The following SASH1 variants were observed in gnomAD, a reference collection of about 807,000 sequenced individuals.
SASH1 encodes the protein SAM and SH3 domain containing 1.
In SASH1, 44 loss-of-function variants were observed where a neutral mutation model predicts 125.2. The observed-to-expected ratio is 0.35, with a 90% CI of 0.28 to 0.45. The LOEUF (loss-of-function observed/expected upper bound fraction) is 0.45, where lower values mean the gene tolerates loss of function less well. SASH1 is among the 20% of genes least tolerant of loss of function. The probability of loss-of-function intolerance (pLI) is 1.00; values close to 1 mark genes in which losing one functional copy is unlikely to be tolerated. For missense variants in SASH1, 1,426 were observed against 1,614.5 expected (o/e 0.88, Z 2.00); for synonymous variants, 639 against 649.1 (o/e 0.98, Z 0.24).
At chr6:148,310,256 A>G (rs915384969) in intron 1 of SASH1, among the ~76,000 whole-genome samples, 5 of 152,184 alleles carry the variant, frequency 3.3e-5, no homozygotes, top group African/African-American at 1.2e-4. Context: ...CAGGAGACGG[A>G]GGTTGCAGTA....
intron 2 of SASH1, among the ~76,000 whole-genome samples, chr6:148,402,334 A>T (rs1784202876): frequency 6.6e-6 from 1 of 152,120 alleles, no homozygotes; most frequent in Non-Finnish European, 1.5e-5. Context: ...TTTTTGTTTA[A>T]GAGTCTTGCT....
chr6:148,409,770 C>G (rs979500836), intron 2 of SASH1, among the ~76,000 whole-genome samples: 1 of 151,990 alleles, frequency 6.6e-6, no homozygotes, highest in Admixed American at 6.6e-5. Flanking sequence ...CCCATCTGTA[C>G]TAAAAATACA....
At chr6:148,199,363 A>G in the SASH1 span, among the ~76,000 whole-genome samples, 1 of 147,214 alleles carries the variant, frequency 6.8e-6, no homozygotes, top group South Asian at 2.2e-4. Flanking sequence ...ACAGTGCAAG[A>G]CTCCGTCTCA....
intron 7 of SASH1, among the ~76,000 whole-genome samples, chr6:148,485,966 C>A (rs1583236366): frequency 1.1e-5 from 1 of 88,596 alleles, no homozygotes; most frequent in Non-Finnish European, 3.1e-5. Context: ...TTGTTTTGAA[C>A]CCCAGAGCTC....
chr6:148,453,769 C>T (rs769831530), intron 4 of SASH1, among the ~76,000 whole-genome samples: 4 of 152,178 alleles, frequency 2.6e-5, no homozygotes, highest in African/African-American at 4.8e-5. Flanking sequence ...TAATGCAATG[C>T]GAAAACCATC....
At chr6:148,527,998 GGT>G (rs796212413) in intron 12 of SASH1, among the ~76,000 whole-genome samples, 12,934 of 133,738 alleles carry the variant, frequency 0.097, 817 homozygotes, top group Middle Eastern at 0.21. Context: ...TGGGGGGGGG[GGT>G]GGCAGTAGAC....
upstream of SASH1, among the ~76,000 whole-genome samples, chr6:148,270,304 C>T (rs1056190757): frequency 6.6e-6 from 1 of 152,226 alleles, no homozygotes; most frequent in Non-Finnish European, 1.5e-5. Flanking sequence ...GTATCCCTCA[C>T]CTTACCTGCC....
intron 1 of SASH1, among the ~76,000 whole-genome samples, chr6:148,292,963 A>G (rs1779672373): frequency 6.6e-6 from 1 of 152,036 alleles, no homozygotes; most frequent in South Asian, 2.1e-4. Context: ...GAGGCAGGAG[A>G]ATCACTTGAA....
intron 1 of SASH1, among the ~76,000 whole-genome samples, chr6:148,283,175 G>A (rs1016897097): frequency 2.0e-5 from 3 of 152,168 alleles, no homozygotes; most frequent in Admixed American, 6.5e-5. Context: ...CTGTCCTCCC[G>A]TCTAGCTGAG....
chr6:148,259,331 C>G, the SASH1 span, among the ~76,000 whole-genome samples: 1 of 152,196 alleles, frequency 6.6e-6, no homozygotes, highest in Non-Finnish European at 1.5e-5. Flanking sequence ...ATGGTGTAAA[C>G]AATTCCCAAA....
chr6:148,531,160 A>T (rs1191561979), intron 12 of SASH1, among the ~76,000 whole-genome samples: 2 of 152,180 alleles, frequency 1.3e-5, no homozygotes, highest in Non-Finnish European at 2.9e-5. Flanking sequence ...TATTCTAGTA[A>T]TCATGGATTG....
Position 148,384,096 on chromosome 6 carries a change from TC to T in SASH1, c.157-6037del, listed in dbSNP as rs1201015707. On this transcript the variant is annotated intron_variant, in intron 1 of 19. Transcript: ENST00000367467. Reference sequence around the variant, plus strand: ...ATATGGACAGATGCTGTGACCAGGTTCTATGAGAAGAAAAGGAAAGAGAACT... The same window carrying T: ...ATATGGACAGATGCTGTGACCAGGTTTATGAGAAGAAAAGGAAAGAGAACT... Among the ~76,000 whole-genome samples the T allele has an allele frequency of 4.6e-5, 7 of 152,244 alleles. No homozygotes were observed. In the East Asian group the frequency reaches 1.4e-3, roughly 29 times the overall value.
intron 1 of SASH1, among the ~76,000 whole-genome samples, chr6:148,282,706 C>T (rs1447524635): frequency 1.3e-5 from 2 of 152,030 alleles, no homozygotes; most frequent in Non-Finnish European, 2.9e-5. Context: ...ATTTCTAATT[C>T]TGTCTTGGGG....
At chr6:148,363,385 G>A (rs1012936561) in intron 1 of SASH1, among the ~76,000 whole-genome samples, 9 of 151,632 alleles carry the variant, frequency 5.9e-5, no homozygotes, top group African/African-American at 1.5e-4. Flanking sequence ...CCAATGATGC[G>A]CCTGCCTGGG....
rs1779936098 is a variant in SASH1 at position 148,508,573 on chromosome 6, C to T, written c.730-5751C>T. On this transcript the variant is annotated intron_variant, in intron 8 of 19. Transcript: ENST00000367467. ...TGGTGAATAGGAGATTTGCTTAGAG[C>T]TGATGACTTATGCCTTTCTTGCGAG... is the stretch of plus-strand genomic sequence containing the variant. 3.6e-6 allele frequency: 4 copies of T among 1,115,950 alleles called. No individual in the cohort carries two copies. In the South Asian group the frequency reaches 8.8e-5, roughly 25 times the overall value. The allele number at this position is 1,115,950 out of a possible 1,614,324, so 69.1% of individuals were successfully genotyped here.
At chr6:148,354,753 C>CTTATT (rs1045774918) in intron 1 of SASH1, among the ~76,000 whole-genome samples, 26 of 152,194 alleles carry the variant, frequency 1.7e-4, no homozygotes, top group Admixed American at 7.2e-4. Flanking sequence ...AAACCTGCCA[C>CTTATT]TTATTTTATT....
intron 4 of SASH1, among the ~76,000 whole-genome samples, chr6:148,457,054 T>C (rs1167854560): frequency 6.8e-6 from 1 of 147,096 alleles, no homozygotes; most frequent in Non-Finnish European, 1.5e-5. Context: ...TAGTAATTCC[T>C]TAAGACAAAA....
At position 148,536,269 on chromosome 6, in the gene SASH1, C is replaced by G. The variant is rs560085299; in HGVS notation, c.2095+1368C>G. On this transcript the variant is annotated intron_variant, in intron 16 of 19. Transcript: ENST00000367467. ...AAGCATCTATTGTCCCGAACCACAT[C>G]TGCCCAGAAACAGCTCACTTGCTCT... 3.3e-5 allele frequency among the ~76,000 whole-genome samples: 5 copies of G among 152,312 alleles called. No homozygotes were observed. The East Asian group carries it at 5.8e-4, about 18-fold the overall frequency.
At chr6:148,396,979 A>C (rs1783981488) in intron 2 of SASH1, among the ~76,000 whole-genome samples, 1 of 152,204 alleles carries the variant, frequency 6.6e-6, no homozygotes, top group African/African-American at 2.4e-5. Context: ...AATGCTGAAG[A>C]GTATCCATTA....
Sources: allele counts gnomAD v4.1 joint callset (sites outside exome capture counted in the v4.1 genomes callset), GRCh38; gene constraint gnomAD v4.1.1; transcripts MANE v1.5; gene names NCBI Gene and HGNC (gene_info 2026-07-23, HGNC 2026-07-21).